The following HNRNPD variants were observed in gnomAD, a reference collection of about 807,000 sequenced individuals.
HNRNPD encodes heterogeneous nuclear ribonucleoprotein D0.
A neutral mutation model predicts 47.9 loss-of-function variants in HNRNPD; 3 were observed. The observed-to-expected ratio is 0.06, with a 90% CI of 0.03 to 0.16. The LOEUF is 0.16. HNRNPD is among the 10% of genes least tolerant of loss of function. The probability of loss-of-function intolerance (pLI) is 1.00; values close to 1 mark genes in which losing one functional copy is unlikely to be tolerated. For synonymous variants in HNRNPD, 171 were observed against 165.1 expected (o/e 1.04, Z -0.28); for missense variants, 287 against 454.2 (o/e 0.63, Z 3.35).
rs1723577941 is a variant in HNRNPD at position 82,353,288 on chromosome 4, T to C, written c.*897A>G. On this transcript the variant is annotated 3_prime_UTR_variant, in exon 9 of 9. Transcript: ENST00000313899. ...CCAAAAAAATAAAACCTTTGAGAAA[T>C]GGAAAATAAAATCATTCAAACAAAT... 2 of 152,066 alleles carry C rather than the reference T, an allele frequency of 1.3e-5. No individual in the cohort carries two copies. The highest frequency in any genetic ancestry group is 2.9e-5 in the Non-Finnish European group (2 of 67,992). 9.4% of individuals were successfully genotyped at this position (152,066 alleles called of 1,614,324 possible).
At chr4:82,361,694 G>C (rs1719447201) in intron 2 of HNRNPD, among the ~76,000 whole-genome samples, 2 of 152,092 alleles carry the variant, frequency 1.3e-5, no homozygotes, top group Admixed American at 6.5e-5. Context: ...CAATTACAAA[G>C]AAATAAATTA....
intron 2 of HNRNPD, among the ~76,000 whole-genome samples, chr4:82,370,306 T>C (rs1003450848): frequency 6.6e-6 from 1 of 152,230 alleles, no homozygotes; most frequent in Non-Finnish European, 1.5e-5. Flanking sequence ...CAAGTGTAAT[T>C]ACTTCGAAGA....
chr4:82,373,944 T>A lies in HNRNPD; in HGVS notation c.-266A>T, dbSNP rs1381145772. 2.6e-6 allele frequency: 2 copies of A among 759,760 alleles called. No homozygotes were observed. The highest frequency in any genetic ancestry group is 2.2e-5 in the South Asian group (1 of 45,768). 47.1% of individuals were successfully genotyped at this position (759,760 alleles called of 1,614,324 possible). On this transcript the variant is annotated 5_prime_UTR_variant, in exon 1 of 9. Coordinates refer to ENST00000313899, the MANE Select transcript of HNRNPD (RefSeq NM_031370.3). Reference sequence around the variant, plus strand: ...AGCACCAGCGGCGGCCGCTCTCGCCTCCTCCTCGCTTTAATGGCGCCGCCG... The same window carrying A: ...AGCACCAGCGGCGGCCGCTCTCGCCACCTCCTCGCTTTAATGGCGCCGCCG...
At chr4:82,359,395 G>A (rs934528089) in intron 3 of HNRNPD, 76 bp downstream of exon 3, 23 of 1,089,190 alleles carry the variant, frequency 2.1e-5, no homozygotes, top group Middle Eastern at 2.5e-4. Context: ...ACCACAAATA[G>A]GCAAACTCAT....
intron 2 of HNRNPD, among the ~76,000 whole-genome samples, chr4:82,365,143 A>C (rs1719688173): frequency 6.6e-6 from 1 of 152,182 alleles, no homozygotes; most frequent in Non-Finnish European, 1.5e-5. Flanking sequence ...AGCCTCCCAA[A>C]GTGCTAGGAT....
intron 7 of HNRNPD, 193 bp from the exon 8 acceptor site, chr4:82,355,594 A>T (rs1172281485): frequency 8.6e-6 from 5 of 578,388 alleles, no homozygotes; most frequent in Admixed American, 3.3e-5. Context: ...AGGCATTCAG[A>T]ATGAGCTGAT....
At chr4:82,365,128 C>T (rs1003637565) in intron 2 of HNRNPD, among the ~76,000 whole-genome samples, 1 of 152,098 alleles carries the variant, frequency 6.6e-6, no homozygotes, top group Non-Finnish European at 1.5e-5. Context: ...CTGGACATAG[C>T]GATCAGCCTC....
At chr4:82,360,413 T>G (rs1270370328) in intron 2 of HNRNPD, among the ~76,000 whole-genome samples, 1 of 151,930 alleles carries the variant, frequency 6.6e-6, no homozygotes, top group Non-Finnish European at 1.5e-5. Flanking sequence ...TTACTAACAT[T>G]ACAGCAAAAC....
At chr4:82,354,571 G>A (rs1018724579) in intron 8 of HNRNPD, 1 of 152,556 alleles carries the variant, frequency 6.6e-6, no homozygotes, top group African/African-American at 2.4e-5. Flanking sequence ...GTAATTATAG[G>A]AAGTTGTCAC....
chr4:82,373,075 G>A, intron 1 of HNRNPD: 1 of 484,152 alleles, frequency 2.1e-6, no homozygotes, highest in South Asian at 1.5e-5. Flanking sequence ...CAAGACTGTA[G>A]AAAAAGGGAA....
intron 2 of HNRNPD, among the ~76,000 whole-genome samples, chr4:82,366,434 G>A (rs1441466125): frequency 6.6e-6 from 1 of 152,190 alleles, no homozygotes; most frequent in South Asian, 2.1e-4. Context: ...AGTAGAGACA[G>A]GGTTTCAACA....
Position 82,353,646 on chromosome 4 carries a change from A to G in HNRNPD, c.*539T>C, listed in dbSNP as rs3944. The stretch of plus-strand genomic sequence containing the variant: ...CCAACAAACAAATTGACATTAAGTC[A>G]TTCCCAATTTGGACAGGGAGGACAC... On this transcript the variant is annotated 3_prime_UTR_variant, in exon 9 of 9. Transcript: ENST00000313899. 0.18 allele frequency: 28,043 copies of G among 152,644 alleles called. 2,843 individuals are homozygous for G. The highest frequency in any genetic ancestry group is 0.23 in the Non-Finnish European group (15,625 of 67,998). 9.5% of individuals were successfully genotyped at this position (152,644 alleles called of 1,614,324 possible).
chr4:82,354,222 A>G (rs1041661276), intron 8 of HNRNPD, 68 bp from the exon 9 acceptor site: 1 of 152,318 alleles, frequency 6.6e-6, no homozygotes, highest in Non-Finnish European at 1.5e-5. Context: ...AAATTTACAT[A>G]AAACTGAGTT....
chr4:82,363,455 C>T (rs1292631593), intron 2 of HNRNPD, among the ~76,000 whole-genome samples: 2 of 152,188 alleles, frequency 1.3e-5, no homozygotes, highest in African/African-American at 4.8e-5. Context: ...GCCTTGAATA[C>T]AAAGCATTTC....
chr4:82,357,580 A>G, intron 4 of HNRNPD, 136 bp from the exon 5 acceptor site: 1 of 648,290 alleles, frequency 1.5e-6, no homozygotes, highest in Non-Finnish European at 2.5e-6. Flanking sequence ...GTTTCTCCCT[A>G]TTTATTCTAA....
At chr4:82,359,404 AT>A (rs1723870502) in intron 3 of HNRNPD, 66 bp downstream of exon 3, 1 of 1,150,166 alleles carries the variant, frequency 8.7e-7, no homozygotes, top group African/African-American at 1.6e-5. Flanking sequence ...AGGCAAACTC[AT>A]TGTATCAAAC....
chr4:82,354,199 C>T (rs1488407621), intron 8 of HNRNPD, 45 bp from the exon 9 acceptor site: 1 of 152,264 alleles, frequency 6.6e-6, no homozygotes, highest in Non-Finnish European at 1.5e-5. Context: ...GGGCAGGCTA[C>T]AACACTTAAC....
chr4:82,356,863 T>C lies in HNRNPD; in HGVS notation c.786A>G (p.Gln262=), dbSNP rs147699912. ...CEIKVAMSKE[Q]YQQQQQWGSR... ...ATCCCCACTGTTGCTGTTGCTGATA[T>C]TGTTCCTTCGACATGGCTACTTTTA... The change falls in exon 6 of 9, where the codon CAA becomes CAG. Residue 262 remains glutamine, a synonymous_variant. Transcript: ENST00000313899. 448 of 1,614,132 alleles carry C rather than the reference T, an allele frequency of 2.8e-4. No homozygotes were observed. The highest frequency in any genetic ancestry group is 3.4e-4 in the Non-Finnish European group (403 of 1,179,952).
Position 82,373,568 on chromosome 4 carries a change from T to TGCCCCCTGTGTCGCCGCC in HNRNPD, c.93_110dup (p.Thr34_Ala39dup). 1 of 1,537,292 alleles carries TGCCCCCTGTGTCGCCGCC rather than the reference T, an allele frequency of 6.5e-7. No individual in the cohort carries two copies. Among genetic ancestry groups the TGCCCCCTGTGTCGCCGCC allele is most frequent in the Non-Finnish European group, 8.7e-7 (1 of 1,143,250 alleles). On this transcript the variant is annotated inframe_insertion, in exon 1 of 9. Transcript: ENST00000313899. ...CGGCTCCGCTTCCCGCCGCCGCCGCTGCCCCCTGTGTCGCCGCCACCATGG... is the reference window on the plus strand; with the variant it reads ...CGGCTCCGCTTCCCGCCGCCGCCGCTGCCCCCTGTGTCGCCGCCGCCCCCTGTGTCGCCGCCACCATGG...
Sources: gnomAD v4.1 joint callset for allele counts (sites outside exome capture counted in the v4.1 genomes callset) on GRCh38, gnomAD v4.1.1 for gene constraint, MANE v1.5 for transcripts, NCBI Gene and HGNC (gene_info 2026-07-23, HGNC 2026-07-21) for gene names.